Variants in NAV2 observed in about 807,000 individuals in gnomAD.
NAV2 encodes the protein helicase, APC down-regulated 1.
In NAV2, 54 loss-of-function variants were observed where a neutral mutation model predicts 223.2. The observed-to-expected ratio is 0.24, with a 90% CI of 0.19 to 0.30. The LOEUF is 0.30. Ranked by LOEUF, NAV2 falls within the 10% of genes least tolerant of loss-of-function variation. The pLI is 1.00. For missense variants in NAV2, 2,806 were observed against 3,147.5 expected (o/e 0.89, Z 2.60); for synonymous variants, 1,279 against 1,239.3 (o/e 1.03, Z -0.67).
intron 11 of NAV2, among the ~76,000 whole-genome samples, chr11:20,001,030 T>G (rs2052489597): frequency 6.6e-6 from 1 of 152,140 alleles, no homozygotes; most frequent in Non-Finnish European, 1.5e-5. Flanking sequence ...CAGGATAAAG[T>G]GCAAGCCTCA....
chr11:19,476,827 G>A (rs1590284300), intron 1 of NAV2, among the ~76,000 whole-genome samples: 1 of 152,192 alleles, frequency 6.6e-6, no homozygotes, highest in Non-Finnish European at 1.5e-5. Context: ...CAGCATGAAA[G>A]CTCAGTGCCC....
At chr11:19,569,830 A>C (rs1401002122) in intron 1 of NAV2, among the ~76,000 whole-genome samples, 1 of 152,176 alleles carries the variant, frequency 6.6e-6, no homozygotes, top group Non-Finnish European at 1.5e-5. Flanking sequence ...ATGAGATGAA[A>C]TGGCTCATGG....
At chr11:19,765,406 T>C (rs11025249) in intron 1 of NAV2, among the ~76,000 whole-genome samples, 11 of 78,730 alleles carry the variant, frequency 1.4e-4, no homozygotes, top group African/African-American at 4.0e-4. Context: ...TCCCTCCCTC[T>C]CTCCCTCTCT....
chr11:19,994,513 T>G (rs2246409), intron 11 of NAV2, among the ~76,000 whole-genome samples: 25,522 of 139,604 alleles, frequency 0.18, 2,779 homozygotes, highest in East Asian at 0.52. Context: ...GCCACTGCCC[T>G]CCAGCCTGGG....
In NAV2 at chr11:19,642,061, G is replaced by A. The variant is rs545903767; in HGVS notation, c.76-190423G>A. Among the ~76,000 whole-genome samples the A allele has an allele frequency of 1.4e-3, 220 of 152,228 alleles. 1 individual carries two copies. The highest frequency in any genetic ancestry group is 5.1e-3 in the African/African-American group (212 of 41,540). On this transcript the variant is annotated intron_variant, in intron 1 of 37. Transcript: ENST00000360655. Reference sequence around the variant, plus strand: ...GGTTGAATTAATTAATTAATGACGGGCTGCTCTGTTTGTTGCCGAGATGGA... The same window carrying A: ...GGTTGAATTAATTAATTAATGACGGACTGCTCTGTTTGTTGCCGAGATGGA...
rs2061973521 is a variant in NAV2, at chr11:20,105,670, G to A, written c.6784G>A (p.Val2262Ile). The A allele has an allele frequency of 6.2e-7, 1 of 1,613,784 alleles. No individual in the cohort carries two copies. Among genetic ancestry groups the A allele is most frequent in the Non-Finnish European group, 8.5e-7 (1 of 1,180,002 alleles). ...LVKIIDWIPK[V>I]WHHLNRFLEA... ...AAAAATCATTGACTGGATTCCCAAG[G>A]TCTGGCATCACCTCAACCGCTTCCT... Residue 2262 changes from valine (V) to isoleucine (I), a missense_variant, in exon 35 of 38, where the codon GTC becomes ATC. Transcript: ENST00000349880.
intron 1 of NAV2, among the ~76,000 whole-genome samples, chr11:19,372,776 G>A (rs1288456432): frequency 1.3e-5 from 2 of 152,192 alleles, no homozygotes; most frequent in Non-Finnish European, 2.9e-5. Context: ...CGAGGTTTCA[G>A]GACCTCCTGG....
chr11:19,616,144 C>T (rs1456367438), intron 1 of NAV2, among the ~76,000 whole-genome samples: 2 of 151,916 alleles, frequency 1.3e-5, no homozygotes, highest in Admixed American at 1.3e-4. Context: ...CAAAATAGAG[C>T]CCCGTAGACT....
intron 6 of NAV2, among the ~76,000 whole-genome samples, chr11:19,923,195 A>G (rs1186498189): frequency 1.3e-5 from 2 of 152,140 alleles, no homozygotes; most frequent in Non-Finnish European, 2.9e-5. Flanking sequence ...TTTAGCTTGT[A>G]AACCCATTTT....
intron 26 of NAV2, among the ~76,000 whole-genome samples, chr11:20,088,146 A>G (rs1029274457): frequency 1.3e-4 from 20 of 152,190 alleles, no homozygotes; most frequent in African/African-American, 4.6e-4. Flanking sequence ...ATTAGGGACT[A>G]AAGCTTAGTT....
At chr11:19,669,729 C>T (rs2048525115) in intron 1 of NAV2, among the ~76,000 whole-genome samples, 1 of 152,166 alleles carries the variant, frequency 6.6e-6, no homozygotes, top group Non-Finnish European at 1.5e-5. Flanking sequence ...CTATCCAGTA[C>T]CCTATCCAGT....
intron 4 of NAV2, among the ~76,000 whole-genome samples, chr11:19,876,853 A>G (rs1190628009): frequency 6.6e-6 from 1 of 151,464 alleles, no homozygotes; most frequent in Non-Finnish European, 1.5e-5. Flanking sequence ...CCAGAAAAAT[A>G]AAGAATACTC....
chr11:19,665,243 G>T (rs547320183), intron 1 of NAV2, among the ~76,000 whole-genome samples: 6 of 152,222 alleles, frequency 3.9e-5, no homozygotes, highest in Non-Finnish European at 7.3e-5. Context: ...CTTCAACTCT[G>T]TGGTTCCTGA....
intron 1 of NAV2, among the ~76,000 whole-genome samples, chr11:19,796,181 T>C (rs2057878752): frequency 6.6e-6 from 1 of 152,212 alleles, no homozygotes; most frequent in South Asian, 2.1e-4. Flanking sequence ...GGGAATTGGA[T>C]ACTTATAGAA....
chr11:19,671,792 A>G (rs1330801052), intron 1 of NAV2, among the ~76,000 whole-genome samples: 1 of 152,244 alleles, frequency 6.6e-6, no homozygotes, highest in Non-Finnish European at 1.5e-5. Context: ...GGGCCAGACG[A>G]AAACAGGCCA....
intron 1 of NAV2, among the ~76,000 whole-genome samples, chr11:19,446,237 G>A (rs905248478): frequency 4.6e-5 from 7 of 152,148 alleles, no homozygotes; most frequent in African/African-American, 7.2e-5. Context: ...CACAGGATCA[G>A]GGATCTTAGT....
At chr11:19,719,352 G>T (rs982588485) in intron 1 of NAV2, among the ~76,000 whole-genome samples, 6 of 152,196 alleles carry the variant, frequency 3.9e-5, no homozygotes, top group African/African-American at 1.4e-4. Context: ...GGCCAAGGGA[G>T]GTTATCACTT....
rs536661811 is a variant in NAV2, at chr11:19,776,727, A to G, written c.268-55757A>G. ...CATCCATCCTGCAGCCATAGTTCCA[A>G]CTGCTCCAGGGGGAGGCGGCTCTGT... On this transcript the variant is annotated intron_variant, in intron 1 of 37. Coordinates refer to ENST00000349880, the MANE Select transcript of NAV2 (RefSeq NM_145117.5). Among the ~76,000 whole-genome samples, 55 of 149,944 alleles carry G rather than the reference A, an allele frequency of 3.7e-4. No homozygotes were observed. In the South Asian group the frequency reaches 0.011, roughly 31 times the overall value.
At chr11:19,388,931 C>T (rs1849144361) in intron 1 of NAV2, among the ~76,000 whole-genome samples, 1 of 152,194 alleles carries the variant, frequency 6.6e-6, no homozygotes, top group African/African-American at 2.4e-5. Flanking sequence ...AGCTGTGATG[C>T]CGGAATTTGA....
Sources: allele counts gnomAD v4.1 joint callset (sites outside exome capture counted in the v4.1 genomes callset), GRCh38; gene constraint gnomAD v4.1.1; transcripts MANE v1.5; gene names NCBI Gene and HGNC (gene_info 2026-07-23, HGNC 2026-07-21).